RBFOX1: variants seen among roughly 807,000 people sequenced by gnomAD.
RBFOX1 encodes RNA binding fox-1 homolog 1, also known as RNA binding protein fox-1 homolog 1.
In RBFOX1, 8 loss-of-function variants were observed where a neutral mutation model predicts 57.7. The ratio of observed to expected loss-of-function variants is 0.14; its 90% CI spans 0.08 to 0.25. RBFOX1 has a LOEUF of 0.25. Among genes scored for constraint, RBFOX1 ranks in the 10% least tolerant of loss-of-function variants. The pLI, the probability that RBFOX1 is intolerant of heterozygous loss-of-function variation, is 1.00. For missense variants in RBFOX1, 611 were observed against 548.5 expected (o/e 1.11, Z -1.14); for synonymous variants, 326 against 222.4 (o/e 1.47, Z -4.15).
chr16:5,787,102 C>G (rs1166789883), intron 3 of RBFOX1, among the ~76,000 whole-genome samples: 2 of 152,152 alleles, frequency 1.3e-5, no homozygotes, highest in Admixed American at 1.3e-4. Flanking sequence ...CCACTGCATT[C>G]CAGCCTGGGA....
chr16:6,507,452 A>G (rs903861175), intron 2 of RBFOX1, among the ~76,000 whole-genome samples: 1 of 148,252 alleles, frequency 6.7e-6, no homozygotes, highest in Non-Finnish European at 1.5e-5. Flanking sequence ...AGGAGGATTA[A>G]TAGAACCTAG....
intron 3 of RBFOX1, among the ~76,000 whole-genome samples, chr16:6,877,716 A>G (rs1322464664): frequency 1.3e-5 from 2 of 152,182 alleles, no homozygotes; most frequent in African/African-American, 2.4e-5. Flanking sequence ...TAGAGGCTCA[A>G]AGAAGTTTCC....
intron 3 of RBFOX1, among the ~76,000 whole-genome samples, chr16:5,705,411 A>C (rs2051204844): frequency 6.6e-6 from 1 of 152,074 alleles, no homozygotes; most frequent in South Asian, 2.1e-4. Context: ...ACAGGCATGC[A>C]CCACCATGTA....
rs76967998 is a variant in RBFOX1, at chr16:6,838,293, C to G, written c.-16+183643C>G. On this transcript the variant is annotated intron_variant, in intron 3 of 15. Transcript: ENST00000550418. Reference sequence around the variant, plus strand: ...AAGATGTGGTGTTTGGTTTTCTGTTCCTGTGATGGTTTGCTGAGAATGATG... The same window carrying G: ...AAGATGTGGTGTTTGGTTTTCTGTTGCTGTGATGGTTTGCTGAGAATGATG... 2.2e-3 allele frequency among the ~76,000 whole-genome samples: 330 copies of G among 152,050 alleles called. 2 individuals are homozygous for G. The highest frequency in any genetic ancestry group is 7.3e-3 in the African/African-American group (304 of 41,500).
chr16:5,970,077 G>A (rs529597552), intron 4 of RBFOX1, among the ~76,000 whole-genome samples: 1 of 152,190 alleles, frequency 6.6e-6, no homozygotes, highest in South Asian at 2.1e-4. Flanking sequence ...ACTGCCTCTT[G>A]GTCACGATGG....
At chr16:5,708,212 A>T (rs1366504556) in intron 3 of RBFOX1, among the ~76,000 whole-genome samples, 6 of 152,178 alleles carry the variant, frequency 3.9e-5, no homozygotes, top group Admixed American at 3.3e-4. Context: ...GACTTCATTC[A>T]TTCAGTTCAA....
intron 5 of RBFOX1, 22 bp downstream of exon 5, chr16:7,518,411 G>T (rs199524226): frequency 2.5e-6 from 4 of 1,593,794 alleles, no homozygotes; most frequent in African/African-American, 1.3e-5. Flanking sequence ...TGTTTGCTAC[G>T]GGTGGGAGGT....
intron 1 of RBFOX1, among the ~76,000 whole-genome samples, chr16:6,163,949 A>G (rs1429635829): frequency 6.6e-6 from 1 of 152,222 alleles, no homozygotes; most frequent in Admixed American, 6.5e-5. Context: ...ATGTTATGGG[A>G]TACATATAGT....
At chr16:5,350,239 A>G (rs1223020188) in intron 1 of RBFOX1, among the ~76,000 whole-genome samples, 3 of 152,232 alleles carry the variant, frequency 2.0e-5, no homozygotes, top group Admixed American at 1.3e-4. Context: ...TGAGAAACTC[A>G]GATGGACTCT....
chr16:6,899,288 A>C (rs1162678497), intron 3 of RBFOX1, among the ~76,000 whole-genome samples: 1 of 152,012 alleles, frequency 6.6e-6, no homozygotes, highest in Non-Finnish European at 1.5e-5. Context: ...ATGTGTGTAT[A>C]ATACATATGT....
intron 4 of RBFOX1, among the ~76,000 whole-genome samples, chr16:7,252,896 C>T (rs574060844): frequency 6.6e-6 from 1 of 151,944 alleles, no homozygotes; most frequent in Non-Finnish European, 1.5e-5. Context: ...TTGGCAGAGC[C>T]GTTATCTTAG....
At chr16:6,388,152 G>C (rs546993772) in intron 2 of RBFOX1, among the ~76,000 whole-genome samples, 1 of 151,998 alleles carries the variant, frequency 6.6e-6, no homozygotes, top group African/African-American at 2.4e-5. Flanking sequence ...ATTTTTAGTA[G>C]AGATGGAGTT....
intron 4 of RBFOX1, among the ~76,000 whole-genome samples, chr16:7,313,609 A>G (rs2096371305): frequency 6.6e-6 from 1 of 151,994 alleles, no homozygotes; most frequent in Admixed American, 6.6e-5. Context: ...TCATAATAAT[A>G]AAATAATTAA....
At chr16:6,111,061 G>T (rs1368352586) in intron 1 of RBFOX1, among the ~76,000 whole-genome samples, 1 of 152,146 alleles carries the variant, frequency 6.6e-6, no homozygotes, top group East Asian at 1.9e-4. Flanking sequence ...GAATGGGGAG[G>T]TCAGACCTCA....
Position 6,557,751 on chromosome 16 carries a change from G to C in RBFOX1, c.-63-96852G>C, listed in dbSNP as rs557922753. On this transcript the variant is annotated intron_variant, in intron 2 of 15. Coordinates refer to ENST00000550418, the MANE Select transcript of RBFOX1 (RefSeq NM_018723.4). The stretch of plus-strand genomic sequence containing the variant: ...TTCCTTCTTCGGTATAAATTGATTT[G>C]CTGTGAAAAATTTCAGACGGTTCCA... 2.6e-5 allele frequency among the ~76,000 whole-genome samples: 4 copies of C among 152,288 alleles called. No individual in the cohort carries two copies. The East Asian group carries it at 7.7e-4, about 29-fold the overall frequency.
intron 3 of RBFOX1, among the ~76,000 whole-genome samples, chr16:6,828,757 A>T (rs529174503): frequency 2.0e-5 from 3 of 152,124 alleles, no homozygotes; most frequent in Non-Finnish European, 2.9e-5. Flanking sequence ...ACGAGGTCCT[A>T]GGTGACCAGC....
intron 2 of RBFOX1, among the ~76,000 whole-genome samples, chr16:6,364,326 C>T (rs1000046325): frequency 6.6e-6 from 1 of 152,048 alleles, no homozygotes; most frequent in Non-Finnish European, 1.5e-5. Flanking sequence ...TTGCATTTTC[C>T]CTCTCTTCTT....
At chr16:6,244,081 G>T (rs1386504829) in intron 1 of RBFOX1, among the ~76,000 whole-genome samples, 1 of 151,880 alleles carries the variant, frequency 6.6e-6, no homozygotes, top group Non-Finnish European at 1.5e-5. Flanking sequence ...CATATATCTT[G>T]CCATCTTTAC....
chr16:6,962,720 C>T (rs912895157), intron 3 of RBFOX1, among the ~76,000 whole-genome samples: 2 of 152,148 alleles, frequency 1.3e-5, no homozygotes, highest in East Asian at 1.9e-4. Context: ...AAAAATTAGT[C>T]AGGAGCAGTA....
Sources: allele counts gnomAD v4.1 joint callset (sites outside exome capture counted in the v4.1 genomes callset), GRCh38; gene constraint gnomAD v4.1.1; transcripts MANE v1.5; gene names NCBI Gene and HGNC (gene_info 2026-07-23, HGNC 2026-07-21).